The following NLGN4Y variants were observed in gnomAD, a reference collection of about 807,000 sequenced individuals.
NLGN4Y encodes neuroligin-4, Y-linked.
NLGN4Y carries 4 observed loss-of-function variants against 8.4 expected under a neutral mutation model. The ratio of observed to expected loss-of-function variants is 0.48; its 90% confidence interval spans 0.23 to 1.09. The LOEUF (loss-of-function observed/expected upper bound fraction) is 1.09, where lower values mean the gene tolerates loss of function less well. Among genes scored for constraint, NLGN4Y ranks in the 50% least tolerant of loss-of-function variants. NLGN4Y has a pLI of 0.19. For synonymous variants in NLGN4Y, 35 were observed against 75.6 expected, an observed-to-expected ratio of 0.46 and a Z score of 2.78; for missense variants, 90 against 192.3, an observed-to-expected ratio of 0.47 and a Z score of 3.15.
chrY:14,589,451 G>A, intron 1 of NLGN4Y, among the ~76,000 whole-genome samples: 2 of 31,834 alleles, frequency 6.3e-5, no homozygotes, highest in East Asian at 8.5e-4. Context: ...GGTTCTCCAC[G>A]TCCTCACCAG....
intron 4 of NLGN4Y, among the ~76,000 whole-genome samples, chrY:14,765,583 A>G (rs2081091649): frequency 3.0e-5 from 1 of 33,661 alleles, no homozygotes; most frequent in Admixed American, 2.7e-4. Context: ...CTTATCATGT[A>G]TCATAGAAAT....
At chrY:14,638,880 G>A (rs2080578443) in intron 2 of NLGN4Y, among the ~76,000 whole-genome samples, 1 of 33,457 alleles carries the variant, frequency 3.0e-5, no homozygotes, top group Non-Finnish European at 7.4e-5. Flanking sequence ...TGAATTGTGC[G>A]TCTCAAAAAA....
At chrY:14,618,827 G>A (rs983740069) in intron 1 of NLGN4Y, among the ~76,000 whole-genome samples, 1 of 32,693 alleles carries the variant, frequency 3.1e-5, no homozygotes, top group Admixed American at 2.8e-4. Context: ...GTTTAGAGGC[G>A]GCATCTCTAC....
chrY:14,604,668 A>T (rs762403393), intron 1 of NLGN4Y, among the ~76,000 whole-genome samples: 1 of 33,816 alleles, frequency 3.0e-5, no homozygotes, highest in African/African-American at 1.2e-4. Flanking sequence ...AGAAATGGAG[A>T]GGGAGGTGAT....
chrY:14,784,211 T>C, intron 4 of NLGN4Y, among the ~76,000 whole-genome samples: 1 of 34,006 alleles, frequency 2.9e-5, no homozygotes. Flanking sequence ...TTGTAGAGAA[T>C]AGGAAATCCT....
At chrY:14,553,566 CTGTGTGTGTGTG>C (rs557062506) in intron 1 of NLGN4Y, among the ~76,000 whole-genome samples, 1 of 21,733 alleles carries the variant, frequency 4.6e-5, no homozygotes, top group Non-Finnish European at 1.1e-4. Flanking sequence ...GGTACCAAAA[CTGTGTGTGTGTG>C]TGTGTGTGTG....
chrY:14,697,251 T>TAGATA lies in NLGN4Y; in HGVS notation c.473-22208_473-22207insAGATA, dbSNP rs2080831530. 1.3e-4 allele frequency among the ~76,000 whole-genome samples: 3 copies of TAGATA among 23,127 alleles called. No individual in the cohort carries two copies. The East Asian group carries it at 4.4e-3, about 34-fold the overall frequency. 62.0% of individuals were successfully genotyped at this position (23,127 alleles called of 37,273 possible). On this transcript the variant is annotated intron_variant, in intron 2 of 6. Transcript: ENST00000684976. ...TAGATAGATAGATAGATAGATAGAT[T>TAGATA]GATAGATAATAGATGTGAATCGATA... is the stretch of plus-strand genomic sequence containing the variant.
chrY:14,600,966 G>A (rs1603501051), intron 1 of NLGN4Y, among the ~76,000 whole-genome samples: 2 of 32,096 alleles, frequency 6.2e-5, no homozygotes, highest in East Asian at 1.6e-3. Flanking sequence ...TCTTCATTCT[G>A]TCTCACTATA....
At chrY:14,663,613 G>A in intron 2 of NLGN4Y, among the ~76,000 whole-genome samples, 1 of 32,530 alleles carries the variant, frequency 3.1e-5, no homozygotes, top group Non-Finnish European at 7.5e-5. Flanking sequence ...AGTTTGAGAC[G>A]AGCTTGACTA....
At chrY:14,525,454 C>G (rs2150457336) in intron 1 of NLGN4Y, among the ~76,000 whole-genome samples, 1 of 31,286 alleles carries the variant, frequency 3.2e-5, no homozygotes, top group African/African-American at 1.3e-4. Context: ...GCACTGGGCC[C>G]CCAAGTCACG....
At chrY:14,568,131 C>G in intron 1 of NLGN4Y, among the ~76,000 whole-genome samples, 1 of 33,091 alleles carries the variant, frequency 3.0e-5, no homozygotes, top group Non-Finnish European at 7.4e-5. Context: ...ACTCCCTCCA[C>G]CCCACAACAG....
intron 1 of NLGN4Y, among the ~76,000 whole-genome samples, chrY:14,545,671 C>T: frequency 9.1e-5 from 3 of 32,969 alleles, no homozygotes; most frequent in Admixed American, 2.8e-4. Context: ...ATTGTAGATT[C>T]GGATATTAGC....
intron 1 of NLGN4Y, among the ~76,000 whole-genome samples, chrY:14,615,527 C>T (rs2080485675): frequency 3.0e-5 from 1 of 33,140 alleles, no homozygotes; most frequent in African/African-American, 1.2e-4. Flanking sequence ...AGTTTTTGCC[C>T]ATTCAGTATG....
intron 4 of NLGN4Y, among the ~76,000 whole-genome samples, chrY:14,774,349 G>A: frequency 3.0e-5 from 1 of 33,476 alleles, no homozygotes; most frequent in Non-Finnish European, 7.4e-5. Flanking sequence ...ATTGGGAGAA[G>A]GACATGAACA....
intron 2 of NLGN4Y, among the ~76,000 whole-genome samples, chrY:14,702,088 C>T: frequency 3.1e-5 from 1 of 32,034 alleles, no homozygotes; most frequent in Non-Finnish European, 7.6e-5. Flanking sequence ...CTCCTGGCCT[C>T]TGGCAATCCT....
At chrY:14,714,466 G>A in intron 2 of NLGN4Y, among the ~76,000 whole-genome samples, 1 of 32,889 alleles carries the variant, frequency 3.0e-5, no homozygotes, top group South Asian at 6.9e-4. Flanking sequence ...TCAGCAGGAG[G>A]TTTTGTTGCA....
chrY:14,809,077 A>G, intron 4 of NLGN4Y, among the ~76,000 whole-genome samples: 1 of 34,139 alleles, frequency 2.9e-5, no homozygotes. Context: ...TAAATTGTGA[A>G]CAAAATATAA....
chrY:14,742,344 T>C, intron 4 of NLGN4Y, among the ~76,000 whole-genome samples: 1 of 32,861 alleles, frequency 3.0e-5, no homozygotes, highest in Non-Finnish European at 7.5e-5. Flanking sequence ...TAGAGCTTCA[T>C]GAACTGTGTA....
At chrY:14,580,100 G>C in intron 1 of NLGN4Y, among the ~76,000 whole-genome samples, 1 of 27,177 alleles carries the variant, frequency 3.7e-5, no homozygotes, top group African/African-American at 1.5e-4. Context: ...GCTGAGGCAG[G>C]AGAATGGCGT....
Sources: allele counts gnomAD v4.1 joint callset (sites outside exome capture counted in the v4.1 genomes callset), GRCh38; gene constraint gnomAD v4.1.1; transcripts MANE v1.5; gene names NCBI Gene and HGNC (gene_info 2026-07-23, HGNC 2026-07-21).